EML1: variants seen among roughly 807,000 people sequenced by gnomAD.
The protein encoded by EML1 is echinoderm microtubule-associated protein-like 1.
A neutral mutation model predicts 110.4 loss-of-function variants in EML1; 27 were observed. The ratio of observed to expected loss-of-function variants is 0.24; its 90% CI spans 0.18 to 0.34. The LOEUF is 0.34. Ranked by LOEUF, EML1 falls within the 10% of genes least tolerant of loss-of-function variation. The probability of loss-of-function intolerance (pLI) is 1.00; values close to 1 mark genes in which losing one functional copy is unlikely to be tolerated. For missense variants in EML1, 741 were observed against 1,030.9 expected (o/e 0.72, Z 3.85); for synonymous variants, 344 against 385.8 (o/e 0.89, Z 1.27).
chr14:99,823,944 C>T (rs941370633), intron 1 of EML1, among the ~76,000 whole-genome samples: 1 of 152,078 alleles, frequency 6.6e-6, no homozygotes, highest in Non-Finnish European at 1.5e-5. Context: ...AGGACTTTCC[C>T]ATGCATCATC....
intron 17 of EML1, among the ~76,000 whole-genome samples, chr14:99,927,258 T>TTC (rs1020646852): frequency 2.0e-4 from 31 of 152,342 alleles, no homozygotes; most frequent in African/African-American, 6.5e-4. Flanking sequence ...TCCATAGGTG[T>TTC]TCTCTCTCTC....
At position 99,855,300 on chromosome 14, in the gene EML1, C is replaced by A. The variant is rs1458977884; in HGVS notation, c.250+4265C>A. Among the ~76,000 whole-genome samples the A allele has an allele frequency of 5.3e-5, 8 of 152,232 alleles. No individual in the cohort carries two copies. In the East Asian group the frequency reaches 1.3e-3, roughly 26 times the overall value. On this transcript the variant is annotated intron_variant, in intron 2 of 21. Coordinates refer to ENST00000262233, the MANE Select transcript of EML1 (RefSeq NM_004434.3). ...ATTTTTAAATACTTTTAGTTAGTTT[C>A]TAAATGTTCTGTGGTGTGTATTTCT... is the stretch of plus-strand genomic sequence containing the variant.
Position 99,910,378 on chromosome 14 carries a change from G to A in EML1, c.1339+37G>A, listed in dbSNP as rs2145859. ...TTGTTCCCAAAACCAATGGTTTTTG[G>A]TAATGTTGTAAGAGATCAAACATGA... On this transcript the variant is annotated intron_variant, in intron 12 of 21. Coordinates refer to ENST00000262233, the MANE Select transcript of EML1 (RefSeq NM_004434.3). 0.13 allele frequency: 202,505 copies of A among 1,520,388 alleles called. 15,191 individuals are homozygous for A. The highest frequency in any genetic ancestry group is 0.16 in the Non-Finnish European group (172,527 of 1,102,480). 94.2% of individuals were successfully genotyped at this position (1,520,388 alleles called of 1,614,324 possible).
intron 1 of EML1, among the ~76,000 whole-genome samples, chr14:99,846,849 C>A (rs1183993571): frequency 6.6e-6 from 1 of 151,942 alleles, no homozygotes; most frequent in Non-Finnish European, 1.5e-5. Context: ...ATTAATTTAC[C>A]AAATATTTAT....
rs529664945 is a variant in EML1, at chr14:99,830,631, A to G, written c.68-20222A>G. On this transcript the variant is annotated intron_variant, in intron 1 of 21. Coordinates refer to ENST00000262233, the MANE Select transcript of EML1 (RefSeq NM_004434.3). ...AGTGGTGCAATCTCGGCTCACTGCAACCTCCACCTCCCGGGTTCAAGCAAT... is the reference window on the plus strand; with the variant it reads ...AGTGGTGCAATCTCGGCTCACTGCAGCCTCCACCTCCCGGGTTCAAGCAAT... Among the ~76,000 whole-genome samples the G allele has an allele frequency of 1.6e-3, 235 of 151,570 alleles. 3 individuals carry two copies. The highest frequency in any genetic ancestry group is 0.01 in the Middle Eastern group (3 of 294).
At chr14:99,914,849 T>TTAAAAG in intron 15 of EML1, 152 bp downstream of exon 15, 1 of 997,822 alleles carries the variant, frequency 1.0e-6, no homozygotes, top group Non-Finnish European at 1.4e-6. Flanking sequence ...GCAATTGCAT[T>TTAAAAG]TAACAGTGTT....
At chr14:99,826,105 A>ATTTTTTTTTTTTTTTTTTTTT (rs71113225) in intron 1 of EML1, among the ~76,000 whole-genome samples, 1 of 79,968 alleles carries the variant, frequency 1.3e-5, no homozygotes, top group African/African-American at 5.1e-5. Flanking sequence ...CTGTGCATTG[A>ATTTTTTTTTTTTTTTTTTTTT]TTTTTTTTTT....
intron 3 of EML1, among the ~76,000 whole-genome samples, chr14:99,871,920 C>T (rs1324196603): frequency 7.2e-5 from 11 of 152,208 alleles, no homozygotes; most frequent in African/African-American, 2.7e-4. Flanking sequence ...GTGGCCCGGG[C>T]TGTCTGGCTC....
chr14:99,758,752 A>G (rs1414413422), intron 1 of EML1, among the ~76,000 whole-genome samples: 2 of 152,186 alleles, frequency 1.3e-5, no homozygotes, highest in East Asian at 3.9e-4. Context: ...GCTGAGGAGC[A>G]CCGAGTCGCT....
At chr14:99,914,749 A>G in intron 15 of EML1, 52 bp downstream of exon 15, 5 of 1,544,216 alleles carry the variant, frequency 3.2e-6, no homozygotes, top group Non-Finnish European at 3.5e-6. Context: ...CATCTGGAAC[A>G]TGTTTATTTA....
intron 13 of EML1, among the ~76,000 whole-genome samples, chr14:99,912,844 A>AT (rs1384512951): frequency 6.6e-6 from 1 of 152,214 alleles, no homozygotes; most frequent in African/African-American, 2.4e-5. Context: ...TTAGTATCTG[A>AT]TTCTTCCTCA....
At chr14:99,841,789 A>G (rs1310260246) in intron 1 of EML1, among the ~76,000 whole-genome samples, 9 of 152,156 alleles carry the variant, frequency 5.9e-5, no homozygotes, top group Non-Finnish European at 1.5e-5. Context: ...TAGAGTCAGC[A>G]TGTGCTGCGA....
At chr14:99,841,643 G>T (rs1452345491) in intron 1 of EML1, among the ~76,000 whole-genome samples, 2 of 152,304 alleles carry the variant, frequency 1.3e-5, no homozygotes, top group Non-Finnish European at 2.9e-5. Context: ...GGAACGTGTA[G>T]CCCTGAGAAG....
intron 1 of EML1, among the ~76,000 whole-genome samples, chr14:99,795,955 G>T (rs1416706484): frequency 6.6e-6 from 1 of 152,112 alleles, no homozygotes; most frequent in African/African-American, 2.4e-5. Flanking sequence ...CGAAGTTGAG[G>T]CGGGAGGATT....
upstream of EML1, among the ~76,000 whole-genome samples, chr14:99,788,506 G>A (rs1263492476): frequency 6.6e-6 from 1 of 152,162 alleles, no homozygotes; most frequent in African/African-American, 2.4e-5. Flanking sequence ...CTGCTTGGGA[G>A]GCTGAGGAGG....
At chr14:99,772,267 C>T (rs897762291), upstream of EML1, among the ~76,000 whole-genome samples, 1 of 152,238 alleles carries the variant, frequency 6.6e-6, no homozygotes, top group African/African-American at 2.4e-5. Context: ...TTTTAATATG[C>T]CTTGCAAACT....
intron 1 of EML1, among the ~76,000 whole-genome samples, chr14:99,748,031 T>C (rs574465678): frequency 1.4e-4 from 22 of 152,306 alleles, no homozygotes; most frequent in Non-Finnish European, 7.4e-5. Flanking sequence ...CATGAGATCA[T>C]GCGTGCCTGG....
At chr14:99,877,633 A>C (rs2059314665) in intron 3 of EML1, among the ~76,000 whole-genome samples, 1 of 151,958 alleles carries the variant, frequency 6.6e-6, no homozygotes, top group African/African-American at 2.4e-5. Context: ...CATGGACACC[A>C]CCTCCAAACA....
At chr14:99,851,717 G>C (rs532593836) in intron 2 of EML1, among the ~76,000 whole-genome samples, 4 of 152,156 alleles carry the variant, frequency 2.6e-5, no homozygotes, top group African/African-American at 9.6e-5. Context: ...TTTGAAAACT[G>C]TTATCTCTTT....
Sources: gnomAD v4.1 joint callset for allele counts (sites outside exome capture counted in the v4.1 genomes callset) on GRCh38, gnomAD v4.1.1 for gene constraint, MANE v1.5 for transcripts, NCBI Gene and HGNC (gene_info 2026-07-23, HGNC 2026-07-21) for gene names.